NAV3: variants seen among roughly 807,000 people sequenced by gnomAD.
The protein encoded by NAV3 is neuron navigator 3.
A neutral mutation model predicts 244.7 loss-of-function variants in NAV3; 87 were observed. The ratio of observed to expected loss-of-function variants is 0.36; its 90% CI spans 0.30 to 0.42. The LOEUF is 0.42. Ranked by LOEUF, NAV3 falls within the 20% of genes least tolerant of loss-of-function variation. The pLI, the probability that NAV3 is intolerant of heterozygous loss-of-function variation, is 1.00. For missense variants in NAV3, 2,663 were observed against 2,893.3 expected (o/e 0.92, Z 1.83); for synonymous variants, 1,126 against 1,042.2 (o/e 1.08, Z -1.55).
chr12:78,110,648 T>A (rs1375280), intron 12 of NAV3, among the ~76,000 whole-genome samples: 112,394 of 151,688 alleles, frequency 0.74, 41,871 homozygotes, highest in Middle Eastern at 0.78. Context: ...AGACAAATGG[T>A]ATGGAATAGA....
intron 2 of NAV3, among the ~76,000 whole-genome samples, chr12:77,686,398 T>TTTTCC (rs1304337536): frequency 6.8e-6 from 1 of 147,348 alleles, no homozygotes; most frequent in Admixed American, 6.9e-5. Flanking sequence ...CCACCGGATT[T>TTTTCC]TTTCTTTTCT....
intron 1 of NAV3, among the ~76,000 whole-genome samples, chr12:77,871,618 C>A (rs951751938): frequency 2.0e-5 from 3 of 152,272 alleles, no homozygotes; most frequent in African/African-American, 7.2e-5. Context: ...GACATGAACT[C>A]ATCCTTTTTT....
chr12:77,892,752 G>T (rs1884096729), intron 1 of NAV3, among the ~76,000 whole-genome samples: 1 of 152,064 alleles, frequency 6.6e-6, no homozygotes, highest in Admixed American at 6.6e-5. Flanking sequence ...TCCATTTACT[G>T]GCTGTAGATT....
intron 39 of NAV3, among the ~76,000 whole-genome samples, chr12:78,206,021 A>ACATCAT (rs201415065): frequency 6.6e-6 from 1 of 152,056 alleles, no homozygotes; most frequent in Non-Finnish European, 1.5e-5. Flanking sequence ...CCTGACACAC[A>ACATCAT]CATCATCATC....
chr12:77,806,215 A>T (rs1428898849), intron 2 of NAV3, among the ~76,000 whole-genome samples: 1 of 151,948 alleles, frequency 6.6e-6, no homozygotes, highest in Non-Finnish European at 1.5e-5. Flanking sequence ...TAGCTTTTGA[A>T]TTTGTTTGCT....
chr12:77,646,799 T>A (rs1872622699), intron 2 of NAV3, among the ~76,000 whole-genome samples: 1 of 152,122 alleles, frequency 6.6e-6, no homozygotes, highest in South Asian at 2.1e-4. Context: ...TTGTATACCT[T>A]AAATAAATAC....
intron 1 of NAV3, among the ~76,000 whole-genome samples, chr12:77,887,945 G>A (rs11837870): frequency 8.2e-4 from 124 of 150,952 alleles, no homozygotes; most frequent in African/African-American, 2.9e-3. Context: ...ATCTAAGAGG[G>A]AAAAAAGAGA....
intron 2 of NAV3, among the ~76,000 whole-genome samples, chr12:77,727,939 C>T (rs1347681996): frequency 2.6e-5 from 4 of 151,874 alleles, no homozygotes; most frequent in Non-Finnish European, 2.9e-5. Flanking sequence ...TATTATCCAT[C>T]CCCACTGGCT....
chr12:78,079,274 T>C (rs1465291358), intron 12 of NAV3, among the ~76,000 whole-genome samples: 1 of 152,170 alleles, frequency 6.6e-6, no homozygotes, highest in African/African-American at 2.4e-5. Context: ...TTTTTAGATA[T>C]AAAGACTCAG....
At chr12:77,659,521 A>T (rs942351348) in intron 2 of NAV3, among the ~76,000 whole-genome samples, 1 of 152,148 alleles carries the variant, frequency 6.6e-6, no homozygotes, top group Admixed American at 6.5e-5. Flanking sequence ...GGGACTGTAA[A>T]CTAGTTCAAC....
intron 2 of NAV3, among the ~76,000 whole-genome samples, chr12:77,756,432 A>G (rs1869182592): frequency 6.6e-6 from 1 of 151,820 alleles, no homozygotes; most frequent in Admixed American, 6.6e-5. Flanking sequence ...TTGTTGTCCT[A>G]CTCATTATTG....
At chr12:77,932,160 G>T (rs1888872760) in intron 1 of NAV3, among the ~76,000 whole-genome samples, 1 of 152,046 alleles carries the variant, frequency 6.6e-6, no homozygotes, top group Admixed American at 6.6e-5. Context: ...AGTTGCTGGG[G>T]TCTCAACATA....
At chr12:78,012,741 T>C (rs1875524482) in intron 8 of NAV3, among the ~76,000 whole-genome samples, 1 of 152,188 alleles carries the variant, frequency 6.6e-6, no homozygotes, top group Non-Finnish European at 1.5e-5. Flanking sequence ...ATTATGCGCC[T>C]TCTCAGAATT....
At chr12:77,592,037 G>A (rs1170282573) in intron 2 of NAV3, among the ~76,000 whole-genome samples, 1 of 150,956 alleles carries the variant, frequency 6.6e-6, no homozygotes, top group Non-Finnish European at 1.5e-5. Context: ...GCCACTTAAT[G>A]GGCAGGCACC....
intron 30 of NAV3, among the ~76,000 whole-genome samples, chr12:78,184,727 G>A (rs181853141): frequency 6.6e-6 from 1 of 151,808 alleles, no homozygotes; most frequent in Non-Finnish European, 1.5e-5. Context: ...TGTCAGAGCA[G>A]TTGAGTCCTC....
At chr12:77,720,022 T>C (rs1216077876) in intron 2 of NAV3, among the ~76,000 whole-genome samples, 1 of 152,148 alleles carries the variant, frequency 6.6e-6, no homozygotes, top group African/African-American at 2.4e-5. Context: ...TCTTGTTCAG[T>C]ATTCATAGGT....
intron 22 of NAV3, among the ~76,000 whole-genome samples, chr12:78,153,158 A>T (rs911459031): frequency 6.6e-5 from 10 of 151,956 alleles, no homozygotes; most frequent in African/African-American, 2.2e-4. Context: ...TTGTATTTTA[A>T]TTTTTAAATT....
At chr12:77,849,657 T>C (rs934419761) in intron 1 of NAV3, among the ~76,000 whole-genome samples, 1 of 152,192 alleles carries the variant, frequency 6.6e-6, no homozygotes, top group East Asian at 1.9e-4. Context: ...ATTATGTATA[T>C]GCAAAGATTC....
At chr12:77,666,501 A>T (rs2137057848) in intron 2 of NAV3, among the ~76,000 whole-genome samples, 1 of 152,326 alleles carries the variant, frequency 6.6e-6, no homozygotes, top group Non-Finnish European at 1.5e-5. Context: ...CTATTAGAAA[A>T]AAAAAGAATA....
Sources: allele counts gnomAD v4.1 joint callset (sites outside exome capture counted in the v4.1 genomes callset), GRCh38; gene constraint gnomAD v4.1.1; transcripts MANE v1.5; gene names NCBI Gene and HGNC (gene_info 2026-07-23, HGNC 2026-07-21).